Variants in LAMA1 observed in about 807,000 individuals in gnomAD.
The protein encoded by LAMA1 is laminin subunit alpha-1.
In LAMA1, 219 loss-of-function variants were observed where a neutral mutation model predicts 348.7. That is an observed-to-expected ratio of 0.63 (90% confidence interval 0.56 to 0.70). The LOEUF (loss-of-function observed/expected upper bound fraction) is 0.70. Among genes scored for constraint, LAMA1 ranks in the 30% least tolerant of loss-of-function variants. The probability of loss-of-function intolerance (pLI) is 0.00; values close to 1 mark genes in which losing one functional copy is unlikely to be tolerated. For synonymous variants in LAMA1, 1,487 were observed against 1,491.0 expected, an observed-to-expected ratio of 1.00 and a Z score of 0.06; for missense variants, 3,744 against 3,888.0, an observed-to-expected ratio of 0.96 and a Z score of 0.99.
chr18:7,054,941 A>AATAC (rs2058075614), intron 3 of LAMA1, among the ~76,000 whole-genome samples: 1 of 152,194 alleles, frequency 6.6e-6, no homozygotes, highest in African/African-American at 2.4e-5. Context: ...TACATAATAC[A>AATAC]ATACATACAA....
rs1293830655 is a variant in LAMA1 at position 7,023,330 on chromosome 18, A to G, written c.2535T>C (p.Ser845=). ...TGCCGCTGCAGTCACAGGGAACACA[A>G]GATTCGCCAGGCACTGTTGGGTTTC... ...YYGNPTVPGE[S]CVPCDCSGNV... The change falls in exon 19 of 63, where the codon TCT becomes TCC. Residue 845 remains serine (S), a synonymous_variant. Transcript: ENST00000389658. The G allele has an allele frequency of 1.2e-6, 2 of 1,614,210 alleles. No individual in the cohort carries two copies. Among genetic ancestry groups the G allele is most frequent in the Non-Finnish European group, 1.7e-6 (2 of 1,180,038 alleles).
In LAMA1 at chr18:7,036,115, C is replaced by T. The variant is rs551077140; in HGVS notation, c.1738-27G>A. ...TGAAATGTTTAAGCGAGAATGAACA[C>T]GAAAGGGGAAGACAATCACAGCAAC... On this transcript the variant is annotated intron_variant, in intron 12 of 62. Coordinates refer to ENST00000389658, the MANE Select transcript of LAMA1 (RefSeq NM_005559.4). 75 of 1,504,510 alleles carry T rather than the reference C, an allele frequency of 5.0e-5. 1 individual carries two copies. In the South Asian group the frequency reaches 6.8e-4, roughly 14 times the overall value. 93.2% of individuals were successfully genotyped at this position (1,504,510 alleles called of 1,614,324 possible).
chr18:6,976,850 TCCTCCCACCTCAA>T (rs2057685005), intron 44 of LAMA1, among the ~76,000 whole-genome samples: 1 of 152,048 alleles, frequency 6.6e-6, no homozygotes, highest in Non-Finnish European at 1.5e-5. Flanking sequence ...CCTCAAGCAA[TCCTCCCACCTCAA>T]CCTCCCAAAT....
chr18:7,011,292 C>T lies in LAMA1; in HGVS notation c.3687+8G>A. 6.2e-7 allele frequency: 1 copy of T among 1,609,934 alleles called. No homozygotes were observed. The highest frequency in any genetic ancestry group is 8.5e-7 in the Non-Finnish European group (1 of 1,179,014). ...ACCGACTGGCTCTCGGCTGGGCGTGCACCTCACCTGGTCTCCTTGGAACTG... is the reference window on the plus strand; with the variant it reads ...ACCGACTGGCTCTCGGCTGGGCGTGTACCTCACCTGGTCTCCTTGGAACTG... On this transcript the variant is annotated splice_region_variant and intron_variant, in intron 25 of 62. Transcript: ENST00000389658.
chr18:7,006,256 G>A (rs1300873828), intron 29 of LAMA1, among the ~76,000 whole-genome samples: 1 of 152,100 alleles, frequency 6.6e-6, no homozygotes, highest in Non-Finnish European at 1.5e-5. Flanking sequence ...CGTTTACAGT[G>A]GTCAGAGCTC....
Position 7,099,990 on chromosome 18 carries a change from C to CG in LAMA1, c.61+17669dup, listed in dbSNP as rs2058284855. ...AGGAGAATGGCGTGAACCAGGGAGG[C>CG]GGAGCTTGCAGTGAGCCGAGATCGC... On this transcript the variant is annotated intron_variant, in intron 1 of 62. Coordinates refer to ENST00000389658, the MANE Select transcript of LAMA1 (RefSeq NM_005559.4). 5.8e-5 allele frequency among the ~76,000 whole-genome samples: 8 copies of CG among 137,872 alleles called. No homozygotes were observed. The South Asian group carries it at 1.9e-3, about 33-fold the overall frequency. 90.4% of individuals were successfully genotyped at this position (137,872 alleles called of 152,430 possible). A position where few individuals can be genotyped will look rare whatever the true frequency, so the allele number is the denominator to read the frequency against.
At chr18:7,036,192 A>G (rs2057994062) in intron 12 of LAMA1, 104 bp from the exon 13 acceptor site, 1 of 776,018 alleles carries the variant, frequency 1.3e-6, no homozygotes, top group Non-Finnish European at 2.3e-6. Flanking sequence ...CAACTAGGCT[A>G]CAACTATCCC....
chr18:7,032,978 C>A lies in LAMA1; in HGVS notation c.2163+6G>T. 6.3e-7 allele frequency: 1 copy of A among 1,593,244 alleles called. No homozygotes were observed. The highest frequency in any genetic ancestry group is 1.7e-5 in the Admixed American group (1 of 58,746). On this transcript the variant is annotated splice_donor_region_variant and intron_variant, in intron 15 of 62. Transcript: ENST00000389658. ...AAGGAAAAAGACAGGAAGAGAGAAG[C>A]GTCACCTCACAGGAGGTCCCTGTGT...
At chr18:7,070,904 C>CAA (rs11455370) in intron 3 of LAMA1, among the ~76,000 whole-genome samples, 2,205 of 127,394 alleles carry the variant, frequency 0.017, 28 homozygotes, top group Non-Finnish European at 0.026. Context: ...GCTTCTTGAT[C>CAA]AAAAAAAAAA....
At chr18:7,110,185 C>A in intron 1 of LAMA1, among the ~76,000 whole-genome samples, 1 of 145,020 alleles carries the variant, frequency 6.9e-6, no homozygotes, top group Non-Finnish European at 1.5e-5. Flanking sequence ...CATCCCCCCA[C>A]CCGCTGCCAA....
At chr18:7,106,275 C>T (rs545865555) in intron 1 of LAMA1, among the ~76,000 whole-genome samples, 16 of 152,196 alleles carry the variant, frequency 1.1e-4, no homozygotes, top group African/African-American at 3.1e-4. Context: ...CCTTGCATTG[C>T]TGTGTAAACT....
At chr18:6,992,238 C>T (rs1347707559) in intron 36 of LAMA1, among the ~76,000 whole-genome samples, 3 of 152,184 alleles carry the variant, frequency 2.0e-5, no homozygotes, top group African/African-American at 7.2e-5. Flanking sequence ...TGAGAGTTTA[C>T]TGCCTTATCC....
intron 1 of LAMA1, among the ~76,000 whole-genome samples, chr18:7,085,638 T>G (rs1272906134): frequency 6.6e-6 from 1 of 152,104 alleles, no homozygotes; most frequent in Non-Finnish European, 1.5e-5. Flanking sequence ...CAGGATGGTC[T>G]CGATCTCCTG....
chr18:6,972,477 C>A (rs780474081), intron 47 of LAMA1, among the ~76,000 whole-genome samples: 48 of 152,298 alleles, frequency 3.2e-4, no homozygotes, highest in Non-Finnish European at 2.4e-4. Context: ...CAGAAATTAA[C>A]GTGGAGCACT....
chr18:6,995,358 T>G lies in LAMA1; in HGVS notation c.4895A>C (p.Lys1632Thr), dbSNP rs936376539. 7 of 1,610,252 alleles carry G rather than the reference T, an allele frequency of 4.3e-6. No individual in the cohort carries two copies. Among genetic ancestry groups the G allele is most frequent in the Non-Finnish European group, 5.9e-6 (7 of 1,176,546 alleles). ...TGGTTGGTTATGGAAAGAATTTACC[T>G]TCTTTTGCAGGTTGTCCGTTTCTTC... ...VAEETDNLQK[K>T]LTRMLASTQK... The change falls in exon 34 of 63, where the codon AAG becomes ACG. Residue 1632 changes from lysine (K) to threonine (T), a missense_variant and splice_region_variant. Lys to Thr is a moderately conservative substitution (Grantham distance 78, BLOSUM62 -1). Transcript: ENST00000389658.
chr18:7,116,992 G>T (rs2058359640), intron 1 of LAMA1, among the ~76,000 whole-genome samples: 2 of 152,040 alleles, frequency 1.3e-5, no homozygotes, highest in Non-Finnish European at 2.9e-5. Flanking sequence ...CAGTGAATGA[G>T]CGGGTTTGGC....
At chr18:7,065,173 C>T (rs2058117590) in intron 3 of LAMA1, among the ~76,000 whole-genome samples, 1 of 141,386 alleles carries the variant, frequency 7.1e-6, no homozygotes, top group South Asian at 2.4e-4. Context: ...GCGGAGGTTG[C>T]AGTGAGCTGA....
In LAMA1 at chr18:7,008,745, G is replaced by GT. The variant is rs1217575638; in HGVS notation, c.4002-138dup. 5.1e-6 allele frequency: 5 copies of GT among 973,976 alleles called. No individual in the cohort carries two copies. In the East Asian group the frequency reaches 1.2e-4, roughly 24 times the overall value. 60.3% of individuals were successfully genotyped at this position (973,976 alleles called of 1,614,324 possible). A position where few individuals can be genotyped will look rare whatever the true frequency, so the allele number is the denominator to read the frequency against. ...TTTGGAGTAGTTCCTGCTTGTGATT[G>GT]TAAGTGAAGTGTGTTAAAGCACATT... On this transcript the variant is annotated intron_variant, in intron 27 of 62. Coordinates refer to ENST00000389658, the MANE Select transcript of LAMA1 (RefSeq NM_005559.4).
intron 40 of LAMA1, 132 bp from the exon 41 acceptor site, chr18:6,982,722 G>C: frequency 1.3e-6 from 1 of 796,878 alleles, no homozygotes; most frequent in East Asian, 2.5e-5. Flanking sequence ...GTACCAGGTA[G>C]GGACAATTTA....
Sources: allele counts gnomAD v4.1 joint callset (sites outside exome capture counted in the v4.1 genomes callset), GRCh38; gene constraint gnomAD v4.1.1; transcripts MANE v1.5; gene names NCBI Gene and HGNC (gene_info 2026-07-23, HGNC 2026-07-21).